The following CHTF8 variants were observed in gnomAD, a reference collection of about 807,000 sequenced individuals.
The protein encoded by CHTF8 is chromosome transmission fidelity protein 8 homolog.
A neutral mutation model predicts 11.0 loss-of-function variants in CHTF8; 6 were observed. The ratio of observed to expected loss-of-function variants is 0.55; its 90% confidence interval spans 0.30 to 1.08. CHTF8 has a LOEUF of 1.08. CHTF8 is among the 50% of genes least tolerant of loss of function. CHTF8 has a pLI of 0.07. For synonymous variants in CHTF8, 53 were observed against 60.5 expected (o/e 0.88, Z 0.57); for missense variants, 140 against 153.1 (o/e 0.91, Z 0.45).
rs774246582 is a variant in CHTF8, at chr16:69,119,054, T to A, written c.*1371A>T. ...GGCCTTGTGAAAGGAGCTGGGTTGA[T>A]ACCCACAGGGCCAGCTGGAGAAGGG... On this transcript the variant is annotated 3_prime_UTR_variant, in exon 4 of 4. Transcript: ENST00000448552. 5.3e-5 allele frequency: 37 copies of A among 702,890 alleles called. No homozygotes were observed. The highest frequency in any genetic ancestry group is 5.2e-6 in the Non-Finnish European group (2 of 385,014). 43.5% of individuals were successfully genotyped at this position (702,890 alleles called of 1,614,324 possible).
In CHTF8 at chr16:69,119,043, A is replaced by C. The variant is rs1161489340; in HGVS notation, c.*1382T>G. ...GGGTCCCAGTTGGCCTTGTGAAAGGAGCTGGGTTGATACCCACAGGGCCAG... is the reference window on the plus strand; with the variant it reads ...GGGTCCCAGTTGGCCTTGTGAAAGGCGCTGGGTTGATACCCACAGGGCCAG... On this transcript the variant is annotated 3_prime_UTR_variant, in exon 4 of 4. Coordinates refer to ENST00000448552, the MANE Select transcript of CHTF8 (RefSeq NM_001039690.5). The C allele has an allele frequency of 5.7e-6, 4 of 702,948 alleles. No individual in the cohort carries two copies. The African/African-American group carries it at 7.0e-5, about 12-fold the overall frequency. The allele number at this position is 702,948 out of a possible 1,614,324, so 43.5% of individuals were successfully genotyped here.
chr16:69,118,155 C>CCACAT lies in CHTF8; in HGVS notation c.*2265_*2269dup. The CCACAT allele has an allele frequency of 3.0e-6, 1 of 338,520 alleles. No homozygotes were observed. Among genetic ancestry groups the CCACAT allele is most frequent in the South Asian group, 2.3e-5 (1 of 42,590 alleles). The allele number at this position is 338,520 out of a possible 1,614,324, so 21.0% of individuals were successfully genotyped here. The stretch of plus-strand genomic sequence containing the variant: ...CCCACCCTAATTCCCATATTCCCAT[C>CCACAT]CACATCAGTTTAAATTTTGAGGTTC... On this transcript the variant is annotated 3_prime_UTR_variant, in exon 4 of 4. Transcript: ENST00000448552.
chr16:69,127,148 G>A (rs1298938545), intron 1 of CHTF8, among the ~76,000 whole-genome samples: 2 of 151,722 alleles, frequency 1.3e-5, no homozygotes, highest in African/African-American at 4.8e-5. Flanking sequence ...TGAGACAGGA[G>A]AATTGCTTGA....
intron 1 of CHTF8, among the ~76,000 whole-genome samples, chr16:69,122,259 A>G (rs1961727870): frequency 6.6e-6 from 1 of 152,238 alleles, no homozygotes; most frequent in South Asian, 2.1e-4. Context: ...TGCAAAACTA[A>G]TTAAGATCAC....
At chr16:69,121,032 G>A (rs372766597) in intron 3 of CHTF8, 21 bp downstream of exon 3, 2 of 1,596,086 alleles carry the variant, frequency 1.3e-6, no homozygotes, top group Non-Finnish European at 1.7e-6. Flanking sequence ...GCATTAGGCA[G>A]GGAAAGAAAA....
Position 69,119,253 on chromosome 16 carries a change from C to A in CHTF8, c.*1172G>T. 1.4e-6 allele frequency: 1 copy of A among 703,020 alleles called. No homozygotes were observed. Among genetic ancestry groups the A allele is most frequent in the South Asian group, 1.5e-5 (1 of 67,584 alleles). The allele number at this position is 703,020 out of a possible 1,614,324, so 43.5% of individuals were successfully genotyped here. A position where few individuals can be genotyped will look rare whatever the true frequency, so the allele number is the denominator to read the frequency against. The stretch of plus-strand genomic sequence containing the variant: ...TTGGGAAAATGGTTGGATTTGAGCC[C>A]TGGAGGCCAGCGGACCTTTGGAAGG... On this transcript the variant is annotated 3_prime_UTR_variant, in exon 4 of 4. Coordinates refer to ENST00000448552, the MANE Select transcript of CHTF8 (RefSeq NM_001039690.5).
In CHTF8 at chr16:69,120,920, G is replaced by A. The variant is rs187934347; in HGVS notation, c.141+133C>T. The A allele has an allele frequency of 1.9e-5, 16 of 837,746 alleles. No individual in the cohort carries two copies. Among genetic ancestry groups the A allele is most frequent in the Admixed American group, 3.5e-5 (2 of 57,426 alleles). 51.9% of individuals were successfully genotyped at this position (837,746 alleles called of 1,614,324 possible). On this transcript the variant is annotated intron_variant, in intron 3 of 3. Transcript: ENST00000448552. The surrounding 1 kb of genome is among the most constrained non-coding windows in gnomAD (Gnocchi z 4.0). ...TACTGCAGAGGTAGGGGGAGAACAA[G>A]CAGAGAGCATCGCAGATTAGCTAGG...
rs202112384 is a variant in CHTF8 at position 69,121,099 on chromosome 16, G to C, written c.95C>G (p.Thr32Ser). 6.2e-7 allele frequency: 1 copy of C among 1,614,022 alleles called. No homozygotes were observed. The highest frequency in any genetic ancestry group is 2.2e-5 in the East Asian group (1 of 44,880). The change falls in exon 3 of 4, where the codon ACT (threonine) becomes AGT (serine). Residue 32 changes from threonine to serine, a missense_variant. Physicochemically the swap from Thr to Ser is moderately conservative, Grantham distance 58 (BLOSUM62 1). Transcript: ENST00000448552. ...LQGEIEARYS[T>S]GLAGNLLGDL... ...TCCCAGGAGGTTTCCAGCTAATCCA[G>C]TGCTGTAGCGAGCCTCGATCTCCCC...
In CHTF8 at chr16:69,118,242, G is replaced by A; in HGVS notation, c.*2183C>T. ...GATGAGTAGAGGGGCCTTAAATCTG[G>A]CCACCTCTAAGTCCCAGGAGAAGGG... On this transcript the variant is annotated 3_prime_UTR_variant, in exon 4 of 4. Transcript: ENST00000448552. The A allele has an allele frequency of 1.4e-6, 1 of 702,146 alleles. No individual in the cohort carries two copies. The highest frequency in any genetic ancestry group is 1.6e-5 in the South Asian group (1 of 64,332). 43.5% of individuals were successfully genotyped at this position (702,146 alleles called of 1,614,324 possible).
chr16:69,119,780 A>G lies in CHTF8; in HGVS notation c.*645T>C, dbSNP rs1961483654. On this transcript the variant is annotated 3_prime_UTR_variant, in exon 4 of 4. Transcript: ENST00000448552. ...CTGGGGGCAGGGTTTGTCCCTAAAA[A>G]GCCTGATCTCAGATTGGGGTTTGGT... is the stretch of plus-strand genomic sequence containing the variant. 2.9e-6 allele frequency: 2 copies of G among 699,258 alleles called. No homozygotes were observed. The highest frequency in any genetic ancestry group is 3.5e-5 in the African/African-American group (2 of 56,992). The allele number at this position is 699,258 out of a possible 1,614,324, so 43.3% of individuals were successfully genotyped here. A position where few individuals can be genotyped will look rare whatever the true frequency, so the allele number is the denominator to read the frequency against.
Position 69,119,366 on chromosome 16 carries a change from T to C in CHTF8, c.*1059A>G, listed in dbSNP as rs529846819. On this transcript the variant is annotated 3_prime_UTR_variant, in exon 4 of 4. Coordinates refer to ENST00000448552, the MANE Select transcript of CHTF8 (RefSeq NM_001039690.5). ...GGAAAGGGATTGGCATTTACCCCCA[T>C]GGGGCCAACTGGCCTTGAGAAATGA... The C allele has an allele frequency of 1.0e-4, 72 of 703,004 alleles. 1 individual carries two copies. Among genetic ancestry groups the C allele is most frequent in the South Asian group, 8.7e-4 (59 of 67,594 alleles). The allele number at this position is 703,004 out of a possible 1,614,324, so 43.5% of individuals were successfully genotyped here. A position where few individuals can be genotyped will look rare whatever the true frequency, so the allele number is the denominator to read the frequency against.
intron 1 of CHTF8, among the ~76,000 whole-genome samples, chr16:69,128,795 G>C (rs947418949): frequency 6.6e-6 from 1 of 152,180 alleles, no homozygotes; most frequent in African/African-American, 2.4e-5. Context: ...GCCAGGCACG[G>C]TGGCTCACGT....
At chr16:69,131,292 A>G (rs1025039614) in intron 1 of CHTF8, 3 of 152,166 alleles carry the variant, frequency 2.0e-5, no homozygotes, top group Admixed American at 6.5e-5. Flanking sequence ...GAGGGAATCA[A>G]TTACTGGTAT....
At chr16:69,121,530 A>G in intron 1 of CHTF8, 37 bp from the exon 2 acceptor site, 1 of 1,318,690 alleles carries the variant, frequency 7.6e-7, no homozygotes, top group Non-Finnish European at 1.1e-6. Context: ...GGTAATAACA[A>G]CAACAACTAA....
chr16:69,121,206 A>C lies in CHTF8; in HGVS notation c.24-36T>G, dbSNP rs767995655. ...AGGGCTGGCGGTTACAATATTTTTG[A>C]GGGGTGAAGGATGAATAGTGTCCTC... is the stretch of plus-strand genomic sequence containing the variant. On this transcript the variant is annotated intron_variant, in intron 2 of 3. Transcript: ENST00000448552. 25 of 1,580,746 alleles carry C rather than the reference A, an allele frequency of 1.6e-5. No homozygotes were observed. In the Admixed American group the frequency reaches 2.4e-4, roughly 15 times the overall value.
chr16:69,122,880 T>C (rs975630816), intron 1 of CHTF8, among the ~76,000 whole-genome samples: 2 of 152,006 alleles, frequency 1.3e-5, no homozygotes, highest in African/African-American at 2.4e-5. Flanking sequence ...GGTTTCACCA[T>C]GTTAGCCAGG....
At chr16:69,122,666 G>A (rs577568223) in intron 1 of CHTF8, among the ~76,000 whole-genome samples, 19 of 151,612 alleles carry the variant, frequency 1.3e-4, no homozygotes, top group East Asian at 3.9e-4. Flanking sequence ...TCAGCCTCCC[G>A]AGCAGCTGGG....
chr16:69,122,794 G>C (rs1961776915), intron 1 of CHTF8, among the ~76,000 whole-genome samples: 1 of 151,520 alleles, frequency 6.6e-6, no homozygotes, highest in Non-Finnish European at 1.5e-5. Context: ...CACCCACTTT[G>C]GCCTCCCAAA....
chr16:69,118,429 C>G lies in CHTF8; in HGVS notation c.*1996G>C. ...AGGTCAGAGCTACGGAAGCATGGTC[C>G]GTTCACCAACGCCACGTTTCTAGAG... On this transcript the variant is annotated 3_prime_UTR_variant, in exon 4 of 4. Transcript: ENST00000448552. The G allele has an allele frequency of 6.2e-7, 1 of 1,612,042 alleles. No homozygotes were observed.
Sources: gnomAD v4.1 joint callset for allele counts (sites outside exome capture counted in the v4.1 genomes callset) on GRCh38, gnomAD v4.1.1 for gene constraint, Gnocchi (gnomAD v3.1) non-coding constraint, MANE v1.5 for transcripts, NCBI Gene and HGNC (gene_info 2026-07-23, HGNC 2026-07-21) for gene names.